Variants in MYO9A observed in about 807,000 individuals in gnomAD.
MYO9A encodes unconventional myosin-IXa.
A neutral mutation model predicts 293.3 loss-of-function variants in MYO9A; 103 were observed. That is an observed-to-expected ratio of 0.35 (90% CI 0.30 to 0.41). The LOEUF is 0.41. Among genes scored for constraint, MYO9A ranks in the 10% least tolerant of loss-of-function variants. The probability of loss-of-function intolerance (pLI) is 1.00; values close to 1 mark genes in which losing one functional copy is unlikely to be tolerated. For synonymous variants in MYO9A, 1,001 were observed against 1,035.7 expected (o/e 0.97, Z 0.64); for missense variants, 2,685 against 3,033.0 (o/e 0.89, Z 2.69).
At chr15:71,966,935 C>A (rs1323342078) in intron 13 of MYO9A, among the ~76,000 whole-genome samples, 1 of 151,918 alleles carries the variant, frequency 6.6e-6, no homozygotes, top group African/African-American at 2.4e-5. Context: ...TCTCTAAGTT[C>A]ATTTCATGTT....
intron 18 of MYO9A, among the ~76,000 whole-genome samples, chr15:71,926,901 C>G (rs1365818855): frequency 6.6e-6 from 1 of 152,182 alleles, no homozygotes; most frequent in Non-Finnish European, 1.5e-5. Context: ...AGTCCACTGG[C>G]TCTGGAAGGC....
intron 14 of MYO9A, 24 bp from the exon 15 acceptor site, chr15:71,951,920 C>CA (rs748558106): frequency 4.8e-3 from 5,976 of 1,251,182 alleles, no homozygotes; most frequent in South Asian, 0.013. Flanking sequence ...AAAAAACAAA[C>CA]AAAAAAAAAA....
In MYO9A at chr15:71,897,999, T is replaced by G. The variant is rs752314606; in HGVS notation, c.4504A>C (p.Lys1502Gln). 8 of 1,614,174 alleles carry G rather than the reference T, an allele frequency of 5.0e-6. No individual in the cohort carries two copies. In the South Asian group the frequency reaches 5.5e-5, roughly 11 times the overall value. Residue 1502 changes from lysine to glutamine, a missense_variant, in exon 25 of 42, where the codon AAA becomes CAA. Lys to Gln is a moderately conservative substitution (Grantham distance 53). This residue lies in a region of MYO9A where 1,434 missense variants were observed against 1,497.7 expected (regional missense o/e 0.96). Coordinates refer to ENST00000356056, the MANE Select transcript of MYO9A (RefSeq NM_006901.4). ...KLNTEKEERQ[K>Q]QLQQQNEKEM... ...TTTTCATTCTGTTGCTGCAACTGTTTTTGCCTTTCTTCCTTCTCAGTGTTT... is the reference window on the plus strand; with the variant it reads ...TTTTCATTCTGTTGCTGCAACTGTTGTTGCCTTTCTTCCTTCTCAGTGTTT...
rs768542652 is a variant in MYO9A, at chr15:72,018,990, G to A, written c.1155+49C>T. On this transcript the variant is annotated intron_variant, in intron 6 of 41. Coordinates refer to ENST00000356056, the MANE Select transcript of MYO9A (RefSeq NM_006901.4). ...CTTCAGATGGATGCAAATGCGCAAT[G>A]TGAGGACCCTTTGACAGAAACACAG... 21 of 1,472,948 alleles carry A rather than the reference G, an allele frequency of 1.4e-5. 1 individual carries two copies. The allele number at this position is 1,472,948 out of a possible 1,614,324, so 91.2% of individuals were successfully genotyped here.
chr15:71,867,488 A>G (rs548991130), intron 32 of MYO9A, among the ~76,000 whole-genome samples: 52 of 152,248 alleles, frequency 3.4e-4, no homozygotes, highest in African/African-American at 1.2e-3. Context: ...TTCAACTTAT[A>G]TCACAGACAA....
At chr15:72,000,022 G>A in intron 8 of MYO9A, 82 bp from the exon 9 acceptor site, 1 of 1,123,704 alleles carries the variant, frequency 8.9e-7, no homozygotes, top group Non-Finnish European at 1.3e-6. Flanking sequence ...AAATAGAGGA[G>A]GAAAAGCTTA....
At chr15:71,956,836 T>TACAC (rs779636198) in intron 14 of MYO9A, among the ~76,000 whole-genome samples, 7 of 130,342 alleles carry the variant, frequency 5.4e-5, no homozygotes, top group African/African-American at 2.0e-4. Context: ...TATATATATA[T>TACAC]ACACACACAC....
At chr15:72,034,227 C>T (rs1044381220) in intron 2 of MYO9A, among the ~76,000 whole-genome samples, 9 of 152,162 alleles carry the variant, frequency 5.9e-5, no homozygotes, top group Non-Finnish European at 1.3e-4. Flanking sequence ...TTGGGTCCCT[C>T]ACAAAACTAT....
In MYO9A at chr15:71,981,641, G is replaced by GTGTCTCTCTCTC. The variant is rs1298978375; in HGVS notation, c.1723-3350_1723-3349insGAGAGAGAGACA. On this transcript the variant is annotated intron_variant, in intron 11 of 41. Coordinates refer to ENST00000356056, the MANE Select transcript of MYO9A (RefSeq NM_006901.4). ...TTATTTATATCCCTCTCTCTGTCTT[G>GTGTCTCTCTCTC]TCTCTCTCTCTCTCTCTCTCTCTCT... Among the ~76,000 whole-genome samples, 521 of 144,492 alleles carry GTGTCTCTCTCTC rather than the reference G, an allele frequency of 3.6e-3. 3 individuals carry two copies. The highest frequency in any genetic ancestry group is 6.1e-3 in the Non-Finnish European group (400 of 65,388). 94.8% of individuals were successfully genotyped at this position (144,492 alleles called of 152,430 possible). A position where few individuals can be genotyped will look rare whatever the true frequency, so the allele number is the denominator to read the frequency against.
At position 71,897,979 on chromosome 15, in the gene MYO9A, A is replaced by G; in HGVS notation, c.4524T>C (p.Asn1508=). Residue 1508 remains asparagine, a synonymous_variant, in exon 25 of 42, where the codon AAT becomes AAC. Coordinates refer to ENST00000356056, the MANE Select transcript of MYO9A (RefSeq NM_006901.4). ...EERQKQLQQQ[N]EKEMMEQIRQ... is the part of the protein sequence containing the mutation. ...GAATCTGTTCCATCATCTCTTTTTC[A>G]TTCTGTTGCTGCAACTGTTTTTGCC... is the stretch of plus-strand genomic sequence containing the variant. 6.2e-7 allele frequency: 1 copy of G among 1,613,946 alleles called. No homozygotes were observed. The highest frequency in any genetic ancestry group is 8.5e-7 in the Non-Finnish European group (1 of 1,180,006).
chr15:71,845,245 T>A (rs1255859779), intron 39 of MYO9A, among the ~76,000 whole-genome samples: 1 of 152,128 alleles, frequency 6.6e-6, no homozygotes, highest in Non-Finnish European at 1.5e-5. Flanking sequence ...TCAAAAATCA[T>A]ATCCCAATGC....
intron 18 of MYO9A, among the ~76,000 whole-genome samples, chr15:71,931,361 A>G (rs75708881): frequency 0.046 from 6,947 of 152,250 alleles, 216 homozygotes; most frequent in Non-Finnish European, 0.064. Flanking sequence ...GAAAGACAAA[A>G]TTGCTGGGCA....
chr15:72,081,594 GTCT>G (rs1278127131), intron 1 of MYO9A, among the ~76,000 whole-genome samples: 1 of 152,146 alleles, frequency 6.6e-6, no homozygotes, highest in Admixed American at 6.6e-5. Context: ...TGCTTTTGGT[GTCT>G]TCGTCATAAA....
Position 71,880,549 on chromosome 15 carries a change from G to T in MYO9A, c.5408C>A (p.Ala1803Glu). ...PAHQFPDELA[A>E]YHPTPPLSPE... ...GCTCAAAGGAGGTGTTGGGTGATAT[G>T]CAGCTAATTCTACAATTCAAGATAG... The change falls in exon 29 of 42, where the codon GCA becomes GAA. Residue 1803 changes from alanine (A) to glutamate (E), a missense_variant. Physicochemically the swap from Ala to Glu is moderately radical, Grantham distance 107. Transcript: ENST00000356056. 6.2e-7 allele frequency: 1 copy of T among 1,613,344 alleles called. No individual in the cohort carries two copies.
At chr15:71,843,647 TCTGA>T (rs2055262147) in intron 39 of MYO9A, among the ~76,000 whole-genome samples, 1 of 151,930 alleles carries the variant, frequency 6.6e-6, no homozygotes, top group South Asian at 2.1e-4. Flanking sequence ...CACCACTACA[TCTGA>T]CTAATTTTTT....
chr15:71,831,879 G>A (rs569985025), intron 39 of MYO9A, among the ~76,000 whole-genome samples: 40 of 152,264 alleles, frequency 2.6e-4, no homozygotes, highest in Non-Finnish European at 5.6e-4. Flanking sequence ...CCATGCTGAA[G>A]GAGACAGGAA....
intron 1 of MYO9A, among the ~76,000 whole-genome samples, chr15:72,103,554 A>AAGCAGAAGC (rs891708855): frequency 1.3e-5 from 2 of 151,494 alleles, no homozygotes; most frequent in Admixed American, 6.6e-5. Context: ...GAAGCAGTGG[A>AAGCAGAAGC]AGCAGAAGCA....
intron 1 of MYO9A, among the ~76,000 whole-genome samples, chr15:72,115,604 A>G (rs988161677): frequency 6.6e-6 from 1 of 152,232 alleles, no homozygotes; most frequent in African/African-American, 2.4e-5. Flanking sequence ...CCTGGCCTTT[A>G]GTCTTATTCT....
intron 7 of MYO9A, among the ~76,000 whole-genome samples, chr15:72,010,036 A>G (rs2077128148): frequency 6.6e-6 from 1 of 152,186 alleles, no homozygotes; most frequent in Non-Finnish European, 1.5e-5. Flanking sequence ...CAAAATGAAG[A>G]GCTATAAAAA....
Sources: gnomAD v4.1 joint callset for allele counts (sites outside exome capture counted in the v4.1 genomes callset) on GRCh38, gnomAD v4.1.1 for gene constraint, gnomAD v4.1.1 regional missense constraint, MANE v1.5 for transcripts, NCBI Gene and HGNC (gene_info 2026-07-23, HGNC 2026-07-21) for gene names.